XRN1: variants seen among roughly 807,000 people sequenced by gnomAD.
XRN1 encodes the protein 5'-3' exoribonuclease 1.
XRN1 carries 67 observed loss-of-function variants against 222.3 expected under a neutral mutation model. The observed-to-expected ratio is 0.30, with a 90% CI of 0.25 to 0.37. XRN1 has a LOEUF of 0.37. Among genes scored for constraint, XRN1 ranks in the 10% least tolerant of loss-of-function variants. The pLI is 1.00. For synonymous variants in XRN1, 643 were observed against 652.4 expected (o/e 0.99, Z 0.22); for missense variants, 1,707 against 2,000.2 (o/e 0.85, Z 2.80).
At chr3:142,441,001 G>C (rs1292870601) in intron 1 of XRN1, among the ~76,000 whole-genome samples, 1 of 151,954 alleles carries the variant, frequency 6.6e-6, no homozygotes, top group Non-Finnish European at 1.5e-5. Flanking sequence ...ATTTACTTTT[G>C]GCCGCCCATT....
chr3:142,426,964 C>CTTGT, intron 2 of XRN1, 123 bp from the exon 3 acceptor site: 1 of 674,346 alleles, frequency 1.5e-6, no homozygotes, highest in Non-Finnish European at 2.5e-6. Flanking sequence ...ACGTTCAAAA[C>CTTGT]ATACAAGTTT....
At chr3:142,405,502 A>G (rs1342929133) in intron 15 of XRN1, among the ~76,000 whole-genome samples, 2 of 152,220 alleles carry the variant, frequency 1.3e-5, no homozygotes, top group Admixed American at 6.5e-5. Flanking sequence ...CAGGACATCA[A>G]TGATTTAAAA....
intron 1 of XRN1, among the ~76,000 whole-genome samples, chr3:142,442,159 C>T (rs2070246148): frequency 6.6e-6 from 1 of 152,210 alleles, no homozygotes; most frequent in Non-Finnish European, 1.5e-5. Context: ...ACCTAGTCCT[C>T]CATGCCCATG....
At chr3:142,342,126 AT>A (rs1448256351) in intron 33 of XRN1, among the ~76,000 whole-genome samples, 2 of 152,208 alleles carry the variant, frequency 1.3e-5, no homozygotes, top group African/African-American at 2.4e-5. Context: ...CAAAATCAAC[AT>A]ACAAAAATCA....
At chr3:142,420,899 G>A (rs2069000592) in intron 10 of XRN1, 117 bp downstream of exon 10, 1 of 1,317,458 alleles carries the variant, frequency 7.6e-7, no homozygotes, top group Non-Finnish European at 1.1e-6. Flanking sequence ...TGCCTATAGA[G>A]AGGAAGAGAA....
At chr3:142,394,214 T>C (rs564799830) in intron 20 of XRN1, among the ~76,000 whole-genome samples, 1 of 152,318 alleles carries the variant, frequency 6.6e-6, no homozygotes, top group East Asian at 1.9e-4. Flanking sequence ...TTCAGTAACA[T>C]TCTTGCCAAT....
chr3:142,432,301 T>A (rs2069663491), intron 2 of XRN1, among the ~76,000 whole-genome samples: 1 of 141,344 alleles, frequency 7.1e-6, no homozygotes, highest in Non-Finnish European at 1.5e-5. Context: ...TTGGCTGTAA[T>A]CCCAGCTAGT....
chr3:142,376,927 T>C (rs2067161168), intron 23 of XRN1, among the ~76,000 whole-genome samples: 1 of 152,148 alleles, frequency 6.6e-6, no homozygotes, highest in Non-Finnish European at 1.5e-5. Context: ...TTGTTTGTTT[T>C]TGTTTTCGTT....
chr3:142,375,965 C>T (rs772881498), intron 24 of XRN1, 21 bp from the exon 25 acceptor site: 45 of 1,583,832 alleles, frequency 2.8e-5, no homozygotes, highest in Non-Finnish European at 3.6e-5. Context: ...ACCACACATG[C>T]GCACACGTGC....
Position 142,400,484 on chromosome 3 carries a change from C to G in XRN1, c.2167G>C (p.Glu723Gln). 1.2e-6 allele frequency: 2 copies of G among 1,612,252 alleles called. No individual in the cohort carries two copies. Among genetic ancestry groups the G allele is most frequent in the Non-Finnish European group, 1.7e-6 (2 of 1,179,056 alleles). Residue 723 changes from glutamate to glutamine, a missense_variant, in exon 19 of 41, where the codon GAG becomes CAG. Glu to Gln is a conservative substitution (Grantham distance 29, BLOSUM62 2). Transcript: ENST00000392981. ...KSVFVNWPHLEEARVVAVSDG... is the reference protein window; with the variant it reads ...KSVFVNWPHLQEARVVAVSDG... The stretch of plus-strand genomic sequence containing the variant: ...GATACAGCCACGACTCTAGCTTCCT[C>G]AAGGTGAGGCCAATTAACAAAGACA...
At chr3:142,334,767 TAC>T (rs761753366) in intron 34 of XRN1, among the ~76,000 whole-genome samples, 4,090 of 90,156 alleles carry the variant, frequency 0.045, 72 homozygotes, top group Non-Finnish European at 0.057. Flanking sequence ...TGTCTATGTA[TAC>T]ACACACACAC....
rs2065002638 is a variant in XRN1 at position 142,308,015 on chromosome 3, A to G, written c.*3496T>C. Reference sequence around the variant, plus strand: ...AGCTCATAAGGCTGAGAAATTGTACAGTTGCTTTAAAAAACTGTGCTCTAA... The same window carrying G: ...AGCTCATAAGGCTGAGAAATTGTACGGTTGCTTTAAAAAACTGTGCTCTAA... On this transcript the variant is annotated 3_prime_UTR_variant, in exon 41 of 41. Transcript: ENST00000392981. The G allele has an allele frequency of 6.6e-6, 1 of 152,226 alleles. No homozygotes were observed. The highest frequency in any genetic ancestry group is 1.5e-5 in the Non-Finnish European group (1 of 68,030). 9.4% of individuals were successfully genotyped at this position (152,226 alleles called of 1,614,324 possible).
chr3:142,418,619 A>T lies in XRN1; in HGVS notation c.1241-10T>A. ...TCATCTTCTAAATTATCTGGGGAAA[A>T]AAGTCAGAAAGATAGTGACTGACAA... On this transcript the variant is annotated splice_polypyrimidine_tract_variant and intron_variant, in intron 11 of 40. Coordinates refer to ENST00000392981, the MANE Select transcript of XRN1 (RefSeq NM_001282857.2). The T allele has an allele frequency of 6.3e-7, 1 of 1,575,788 alleles. No homozygotes were observed. Among genetic ancestry groups the T allele is most frequent in the Non-Finnish European group, 8.6e-7 (1 of 1,159,814 alleles).
intron 1 of XRN1, among the ~76,000 whole-genome samples, chr3:142,446,550 A>G (rs1158418926): frequency 6.6e-6 from 1 of 152,234 alleles, no homozygotes; most frequent in East Asian, 1.9e-4. Flanking sequence ...GCCACAGACT[A>G]CAGAATAAAA....
rs2065045946 is a variant in XRN1, at chr3:142,310,068, A to T, written c.*1443T>A. The T allele has an allele frequency of 6.6e-6, 1 of 152,640 alleles. No homozygotes were observed. Among genetic ancestry groups the T allele is most frequent in the Non-Finnish European group, 1.5e-5 (1 of 68,026 alleles). 9.5% of individuals were successfully genotyped at this position (152,640 alleles called of 1,614,324 possible). On this transcript the variant is annotated 3_prime_UTR_variant, in exon 41 of 41. Transcript: ENST00000392981. ...AATGAATATTTCTCTCTTATACTGAAGGCACTGCTAATACACAAATATCCT... is the reference window on the plus strand; with the variant it reads ...AATGAATATTTCTCTCTTATACTGATGGCACTGCTAATACACAAATATCCT...
At chr3:142,337,070 G>A (rs981776735) in intron 33 of XRN1, among the ~76,000 whole-genome samples, 1 of 151,862 alleles carries the variant, frequency 6.6e-6, no homozygotes, top group African/African-American at 2.4e-5. Flanking sequence ...ATAATATATA[G>A]ATAAATAAAA....
chr3:142,404,100 A>C, intron 16 of XRN1, 111 bp from the exon 17 acceptor site: 1 of 946,454 alleles, frequency 1.1e-6, no homozygotes, highest in South Asian at 1.8e-5. Context: ...TTTAAAGAAG[A>C]GAATGACAAT....
chr3:142,388,831 T>C (rs1482393928), intron 20 of XRN1, among the ~76,000 whole-genome samples: 1 of 152,244 alleles, frequency 6.6e-6, no homozygotes, highest in Non-Finnish European at 1.5e-5. Context: ...CTAAATCCTT[T>C]GCTGTCATTT....
At chr3:142,380,204 T>A (rs2067261770) in intron 22 of XRN1, 24 bp from the exon 23 acceptor site, 1 of 1,570,018 alleles carries the variant, frequency 6.4e-7, no homozygotes, top group Non-Finnish European at 8.7e-7. Flanking sequence ...AAAATCACAG[T>A]ATAGTCTCTT....
Sources: allele counts gnomAD v4.1 joint callset (sites outside exome capture counted in the v4.1 genomes callset), GRCh38; gene constraint gnomAD v4.1.1; transcripts MANE v1.5; gene names NCBI Gene and HGNC (gene_info 2026-07-23, HGNC 2026-07-21).